MYRFL: variants seen among roughly 807,000 people sequenced by gnomAD.
The protein encoded by MYRFL is myelin regulatory factor like.
A neutral mutation model predicts 109.4 loss-of-function variants in MYRFL; 88 were observed. That is an observed-to-expected ratio of 0.80 (90% CI 0.68 to 0.96). The LOEUF is 0.96. MYRFL is among the 40% of genes least tolerant of loss of function. MYRFL has a pLI of 0.00. For missense variants in MYRFL, 957 were observed against 954.9 expected (o/e 1.00, Z -0.03); for synonymous variants, 324 against 320.9 (o/e 1.01, Z -0.10).
At chr12:69,934,551 C>A (rs1955383652) in intron 16 of MYRFL, among the ~76,000 whole-genome samples, 1 of 152,168 alleles carries the variant, frequency 6.6e-6, no homozygotes, top group African/African-American at 2.4e-5. Context: ...CTCGGTGAGT[C>A]CCAAGCTCTT....
At chr12:69,835,522 A>T (rs1270200768) in intron 1 of MYRFL, among the ~76,000 whole-genome samples, 1 of 152,216 alleles carries the variant, frequency 6.6e-6, no homozygotes, top group Non-Finnish European at 1.5e-5. Context: ...ATTCATCTGT[A>T]TTAAAACAGT....
intron 2 of MYRFL, among the ~76,000 whole-genome samples, chr12:69,875,579 T>C (rs923490456): frequency 1.1e-4 from 16 of 152,296 alleles, no homozygotes; most frequent in African/African-American, 3.8e-4. Flanking sequence ...TACGGGTCCA[T>C]GGCCTGATAG....
chr12:69,842,065 T>C (rs1389775577), intron 1 of MYRFL, among the ~76,000 whole-genome samples: 1 of 152,206 alleles, frequency 6.6e-6, no homozygotes, highest in East Asian at 1.9e-4. Context: ...AGCCTGACTA[T>C]AGAACCAGAA....
intron 2 of MYRFL, among the ~76,000 whole-genome samples, chr12:69,877,215 G>A (rs1885741815): frequency 6.6e-6 from 1 of 151,838 alleles, no homozygotes; most frequent in African/African-American, 2.4e-5. Flanking sequence ...AGTAGAGACG[G>A]AGTTTCACCG....
At chr12:69,901,006 T>G (rs1362159747) in intron 10 of MYRFL, among the ~76,000 whole-genome samples, 1 of 152,188 alleles carries the variant, frequency 6.6e-6, no homozygotes, top group African/African-American at 2.4e-5. Context: ...TGATTTCACT[T>G]AATCCCACAA....
At chr12:69,952,709 A>T (rs754026685) in intron 20 of MYRFL, 90 bp from the exon 21 acceptor site, 1 of 885,106 alleles carries the variant, frequency 1.1e-6, no homozygotes, top group Non-Finnish European at 1.7e-6. Flanking sequence ...CTTACTTCCC[A>T]TTCTGTAATT....
chr12:69,953,718 GTGTT>G (rs755470477), intron 21 of MYRFL, among the ~76,000 whole-genome samples: 4 of 151,730 alleles, frequency 2.6e-5, no homozygotes, highest in Non-Finnish European at 5.9e-5. Context: ...AGTAAGCTGT[GTGTT>G]TGCACCACTG....
chr12:69,932,216 A>C (rs1955294068), intron 15 of MYRFL, among the ~76,000 whole-genome samples: 1 of 152,238 alleles, frequency 6.6e-6, no homozygotes, highest in Non-Finnish European at 1.5e-5. Flanking sequence ...GTTTCTCATA[A>C]AACTGCAAAG....
chr12:69,881,542 C>A (rs1291485340), intron 5 of MYRFL, among the ~76,000 whole-genome samples: 1 of 152,202 alleles, frequency 6.6e-6, no homozygotes, highest in Non-Finnish European at 1.5e-5. Context: ...ATGGTAAGAG[C>A]TGATTCTCTG....
rs185406523 is a variant in MYRFL, at chr12:69,955,134, A to G, written c.2376-229A>G. On this transcript the variant is annotated intron_variant, in intron 21 of 24. Coordinates refer to ENST00000552032, the MANE Select transcript of MYRFL (RefSeq NM_182530.3). Reference sequence around the variant, plus strand: ...TTTTTTCTGTGTGTTCTAAAAAACTATAACTTTTTATGGTATATTTTATAT... The same window carrying G: ...TTTTTTCTGTGTGTTCTAAAAAACTGTAACTTTTTATGGTATATTTTATAT... Among the ~76,000 whole-genome samples, 265 of 152,268 alleles carry G rather than the reference A, an allele frequency of 1.7e-3. 2 individuals are homozygous for G. The highest frequency in any genetic ancestry group is 6.1e-3 in the African/African-American group (252 of 41,554).
intron 8 of MYRFL, 139 bp from the exon 9 acceptor site, chr12:69,895,232 A>G (rs1223523937): frequency 1.6e-6 from 1 of 631,668 alleles, no homozygotes; most frequent in African/African-American, 1.8e-5. Flanking sequence ...ATAATCGGGG[A>G]CTAGAATAAA....
intron 1 of MYRFL, among the ~76,000 whole-genome samples, chr12:69,836,695 T>G (rs2136315082): frequency 6.6e-6 from 1 of 152,308 alleles, no homozygotes; most frequent in South Asian, 2.1e-4. Context: ...CATTAGCTCC[T>G]TTTATCCGTA....
At chr12:69,918,979 A>G (rs993769165) in intron 13 of MYRFL, among the ~76,000 whole-genome samples, 6 of 152,068 alleles carry the variant, frequency 3.9e-5, no homozygotes, top group African/African-American at 1.4e-4. Context: ...GAACTGTATT[A>G]TTTATTTGTG....
chr12:69,904,834 C>G (rs530815421), intron 11 of MYRFL, among the ~76,000 whole-genome samples: 1 of 152,164 alleles, frequency 6.6e-6, no homozygotes, highest in East Asian at 1.9e-4. Context: ...TTCCTTATCC[C>G]TTTTTAGCTA....
At chr12:69,920,244 A>G (rs1954867567) in intron 13 of MYRFL, among the ~76,000 whole-genome samples, 2 of 152,156 alleles carry the variant, frequency 1.3e-5, no homozygotes, top group South Asian at 2.1e-4. Context: ...CTAGATGATA[A>G]ACACTAGTGT....
intron 16 of MYRFL, among the ~76,000 whole-genome samples, chr12:69,935,277 G>C (rs1194730676): frequency 6.6e-6 from 1 of 152,152 alleles, no homozygotes; most frequent in African/African-American, 2.4e-5. Context: ...AGAACCAGGT[G>C]TGAAGTCAAA....
chr12:69,943,378 G>A (rs1468707580), intron 19 of MYRFL, among the ~76,000 whole-genome samples: 9 of 146,792 alleles, frequency 6.1e-5, no homozygotes, highest in East Asian at 5.9e-4. Flanking sequence ...AAATAACGCC[G>A]CATATCTACA....
intron 1 of MYRFL, among the ~76,000 whole-genome samples, chr12:69,843,821 G>A (rs1298017147): frequency 6.6e-6 from 1 of 152,142 alleles, no homozygotes; most frequent in African/African-American, 2.4e-5. Flanking sequence ...AGCAGTGCAG[G>A]GACAGCTTCT....
At chr12:69,865,945 T>C (rs1884992186) in intron 2 of MYRFL, among the ~76,000 whole-genome samples, 1 of 152,188 alleles carries the variant, frequency 6.6e-6, no homozygotes, top group Non-Finnish European at 1.5e-5. Flanking sequence ...ATATATTTGA[T>C]GTAATATATC....
Sources: allele counts gnomAD v4.1 joint callset (sites outside exome capture counted in the v4.1 genomes callset), GRCh38; gene constraint gnomAD v4.1.1; transcripts MANE v1.5; gene names NCBI Gene and HGNC (gene_info 2026-07-23, HGNC 2026-07-21).